PLEKHM3: variants seen among roughly 807,000 people sequenced by gnomAD.
PLEKHM3 encodes pleckstrin homology domain containing M3.
In PLEKHM3, 45 loss-of-function variants were observed where a neutral mutation model predicts 81.8. That is an observed-to-expected ratio of 0.55 (90% confidence interval 0.43 to 0.71). The LOEUF is 0.71. Among genes scored for constraint, PLEKHM3 ranks in the 30% least tolerant of loss-of-function variants. The probability of loss-of-function intolerance (pLI) is 0.00; values close to 1 mark genes in which losing one functional copy is unlikely to be tolerated. For missense variants in PLEKHM3, 788 were observed against 924.3 expected (o/e 0.85, Z 1.91); for synonymous variants, 352 against 356.4 (o/e 0.99, Z 0.14).
intron 6 of PLEKHM3, chr2:207,901,393 G>A: frequency 2.9e-6 from 2 of 700,680 alleles, no homozygotes; most frequent in Non-Finnish European, 5.2e-6. Context: ...TCAGCTAACT[G>A]GCCCCATCAC....
chr2:207,886,910 C>T (rs1687901870), intron 6 of PLEKHM3, among the ~76,000 whole-genome samples: 1 of 152,150 alleles, frequency 6.6e-6, no homozygotes, highest in South Asian at 2.1e-4. Context: ...TCTGACCTTG[C>T]CATGTACCAG....
chr2:207,923,864 CACACACACACACACACAT>C (rs1689275059), intron 5 of PLEKHM3, among the ~76,000 whole-genome samples: 2 of 31,632 alleles, frequency 6.3e-5, no homozygotes, highest in Admixed American at 3.5e-4. Flanking sequence ...CGCACACACA[CACACACACACACACACAT>C]ATATATATAT....
chr2:207,886,541 C>T (rs1687891233), intron 6 of PLEKHM3, among the ~76,000 whole-genome samples: 1 of 152,080 alleles, frequency 6.6e-6, no homozygotes, highest in East Asian at 1.9e-4. Context: ...TATAGAAATA[C>T]CATAAATGGG....
rs569216838 is a variant in PLEKHM3, at chr2:207,972,637, C to G, written c.1546+4014G>C. On this transcript the variant is annotated intron_variant, in intron 3 of 7. Coordinates refer to ENST00000427836, the MANE Select transcript of PLEKHM3 (RefSeq NM_001080475.3). ...CACTATGGCTGGGGCTTCCTAAGCT[C>G]AGTGCAACCCTGGAGCTGCAGAAGA... 5.3e-5 allele frequency among the ~76,000 whole-genome samples: 8 copies of G among 151,306 alleles called. No homozygotes were observed. The South Asian group carries it at 1.0e-3, about 20-fold the overall frequency.
chr2:207,944,562 C>T (rs1690059593), intron 4 of PLEKHM3, among the ~76,000 whole-genome samples: 1 of 152,186 alleles, frequency 6.6e-6, no homozygotes, highest in African/African-American at 2.4e-5. Flanking sequence ...AAGATAATGG[C>T]ACTTCACAGG....
rs370960810 is a variant in PLEKHM3, at chr2:207,874,041, C to A, written c.1951-12779G>T. The stretch of plus-strand genomic sequence containing the variant: ...CTTCAAGGTCCACAAGTAGAAGCCA[C>A]AACTTTCAATACAGTAGTGATTACA... On this transcript the variant is annotated intron_variant, in intron 6 of 7. Coordinates refer to ENST00000427836, the MANE Select transcript of PLEKHM3 (RefSeq NM_001080475.3). Among the ~76,000 whole-genome samples, 18 of 152,152 alleles carry A rather than the reference C, an allele frequency of 1.2e-4. 1 individual carries two copies. The highest frequency in any genetic ancestry group is 1.1e-3 in the Admixed American group (17 of 15,282).
At chr2:207,921,269 A>C (rs1689173395) in intron 5 of PLEKHM3, among the ~76,000 whole-genome samples, 1 of 152,052 alleles carries the variant, frequency 6.6e-6, no homozygotes, top group Admixed American at 6.6e-5. Context: ...GGATGTTCTC[A>C]ATCTCTTGAC....
intron 7 of PLEKHM3, among the ~76,000 whole-genome samples, chr2:207,857,234 C>T (rs1183763739): frequency 6.6e-6 from 1 of 152,196 alleles, no homozygotes; most frequent in African/African-American, 2.4e-5. Flanking sequence ...TCTATTCATA[C>T]ATTAAGGATT....
chr2:207,831,667 C>T (rs778465123), intron 7 of PLEKHM3, among the ~76,000 whole-genome samples: 5 of 152,176 alleles, frequency 3.3e-5, no homozygotes, highest in Non-Finnish European at 7.3e-5. Flanking sequence ...CTCTAGTACC[C>T]GTCTCCTTGA....
chr2:207,967,318 T>G (rs753157759), intron 3 of PLEKHM3, among the ~76,000 whole-genome samples: 3 of 152,198 alleles, frequency 2.0e-5, no homozygotes, highest in Non-Finnish European at 4.4e-5. Context: ...CATGTAGCCA[T>G]AGCAACACAA....
At chr2:207,959,969 A>G (rs2105995345) in intron 3 of PLEKHM3, among the ~76,000 whole-genome samples, 1 of 152,034 alleles carries the variant, frequency 6.6e-6, no homozygotes, top group South Asian at 2.1e-4. Flanking sequence ...AGGCTTTTCT[A>G]TCTTTTTAGA....
intron 3 of PLEKHM3, among the ~76,000 whole-genome samples, chr2:207,968,394 G>C (rs1690998113): frequency 6.6e-6 from 1 of 152,038 alleles, no homozygotes; most frequent in South Asian, 2.1e-4. Context: ...TTGGGGGTGG[G>C]GGGCCACTTT....
chr2:207,912,011 G>T (rs978603490), intron 5 of PLEKHM3, among the ~76,000 whole-genome samples: 1 of 152,126 alleles, frequency 6.6e-6, no homozygotes, highest in Non-Finnish European at 1.5e-5. Flanking sequence ...TACTCTTCCT[G>T]GAGTACTATA....
intron 1 of PLEKHM3, among the ~76,000 whole-genome samples, chr2:208,012,368 A>G (rs1328334024): frequency 2.6e-5 from 4 of 152,244 alleles, no homozygotes; most frequent in Non-Finnish European, 4.4e-5. Context: ...TATTTTAAAG[A>G]TGATGAAAGA....
intron 7 of PLEKHM3, among the ~76,000 whole-genome samples, chr2:207,837,649 T>G (rs1349188948): frequency 1.3e-5 from 2 of 150,028 alleles, no homozygotes; most frequent in Non-Finnish European, 3.0e-5. Context: ...TTTTTTTTTT[T>G]TTGAGATGGA....
At chr2:208,010,438 C>T (rs1692651795) in intron 1 of PLEKHM3, among the ~76,000 whole-genome samples, 1 of 152,226 alleles carries the variant, frequency 6.6e-6, no homozygotes, top group African/African-American at 2.4e-5. Flanking sequence ...TACGAAATGT[C>T]TAAAAATGCA....
chr2:207,948,546 G>GTTT (rs34459307), intron 3 of PLEKHM3, among the ~76,000 whole-genome samples: 3 of 125,684 alleles, frequency 2.4e-5, no homozygotes, highest in Non-Finnish European at 4.9e-5. Flanking sequence ...TATTTTTTTT[G>GTTT]TTTTTTTTTT....
chr2:207,894,950 G>T (rs910785396), intron 6 of PLEKHM3, among the ~76,000 whole-genome samples: 2 of 152,112 alleles, frequency 1.3e-5, no homozygotes, highest in Non-Finnish European at 2.9e-5. Flanking sequence ...TAGGGCTATT[G>T]TGTGGATTAA....
At chr2:207,835,155 G>C (rs2092311833) in intron 7 of PLEKHM3, among the ~76,000 whole-genome samples, 2 of 151,864 alleles carry the variant, frequency 1.3e-5, no homozygotes, top group Admixed American at 1.3e-4. Context: ...ACGTTGGCCA[G>C]GCTAGTCTCG....
Sources: gnomAD v4.1 joint callset for allele counts (sites outside exome capture counted in the v4.1 genomes callset) on GRCh38, gnomAD v4.1.1 for gene constraint, MANE v1.5 for transcripts, NCBI Gene and HGNC (gene_info 2026-07-23, HGNC 2026-07-21) for gene names.